The following SHISA9 variants were observed in gnomAD, a reference collection of about 807,000 sequenced individuals.
The protein encoded by SHISA9 is shisa family member 9.
Under a neutral mutation model 38.0 loss-of-function variants are expected in SHISA9, and 13 were observed. The observed-to-expected ratio is 0.34, with a 90% CI of 0.22 to 0.54. The LOEUF (loss-of-function observed/expected upper bound fraction) is 0.54, where lower values mean the gene tolerates loss of function less well. SHISA9 is among the 20% of genes least tolerant of loss of function. The pLI is 0.91. For missense variants in SHISA9, 538 were observed against 575.8 expected (o/e 0.93, Z 0.67); for synonymous variants, 275 against 242.0 (o/e 1.14, Z -1.27).
At chr16:13,160,989 C>G (rs1337416524) in intron 2 of SHISA9, among the ~76,000 whole-genome samples, 3 of 152,108 alleles carry the variant, frequency 2.0e-5, no homozygotes, top group African/African-American at 7.2e-5. Context: ...GCCCCATTCC[C>G]CATGGCAGGA....
At chr16:12,992,708 C>T (rs368250808) in intron 2 of SHISA9, among the ~76,000 whole-genome samples, 1 of 152,170 alleles carries the variant, frequency 6.6e-6, no homozygotes, top group Admixed American at 6.6e-5. Flanking sequence ...AGTTTTCTTC[C>T]TCACTTTTGT....
the SHISA9 span, among the ~76,000 whole-genome samples, chr16:13,380,502 C>G: frequency 6.6e-6 from 1 of 152,122 alleles, no homozygotes; most frequent in Non-Finnish European, 1.5e-5. Context: ...TAATAATTTC[C>G]AGATTAGAAT....
chr16:13,279,565 C>A, the SHISA9 span, among the ~76,000 whole-genome samples: 1 of 151,884 alleles, frequency 6.6e-6, no homozygotes, highest in African/African-American at 2.4e-5. Flanking sequence ...CTTGTATGGA[C>A]CTGCATATGA....
chr16:13,320,403 T>G, the SHISA9 span, among the ~76,000 whole-genome samples: 791 of 151,860 alleles, frequency 5.2e-3, 2 homozygotes, highest in Non-Finnish European at 8.7e-3. Flanking sequence ...GTATGTGACC[T>G]TGAGCAAGTT....
chr16:13,296,113 G>C, the SHISA9 span, among the ~76,000 whole-genome samples: 1 of 152,062 alleles, frequency 6.6e-6, no homozygotes, highest in Non-Finnish European at 1.5e-5. Context: ...TGTGGTTTCA[G>C]CAGTGATAAC....
chr16:13,452,114 A>G, the SHISA9 span, among the ~76,000 whole-genome samples: 1 of 152,198 alleles, frequency 6.6e-6, no homozygotes, highest in Admixed American at 6.5e-5. Flanking sequence ...TCCAGTGTCT[A>G]TGGCAACCTG....
At chr16:13,292,056 C>T in the SHISA9 span, among the ~76,000 whole-genome samples, 2 of 151,502 alleles carry the variant, frequency 1.3e-5, no homozygotes, top group Non-Finnish European at 2.9e-5. Flanking sequence ...TAGGATTCCT[C>T]ATGATCAATG....
chr16:13,105,423 A>G (rs1241428247), intron 2 of SHISA9, among the ~76,000 whole-genome samples: 2 of 152,146 alleles, frequency 1.3e-5, no homozygotes, highest in South Asian at 2.1e-4. Context: ...GCTTACCACA[A>G]CAGGTCTTCT....
intron 2 of SHISA9, among the ~76,000 whole-genome samples, chr16:13,043,258 G>T (rs1014799425): frequency 2.6e-5 from 4 of 152,168 alleles, no homozygotes; most frequent in African/African-American, 7.2e-5. Context: ...GGCCTGTCCC[G>T]GAAGTGGATA....
chr16:13,469,385 G>GAAAGAAAAGAA, the SHISA9 span, among the ~76,000 whole-genome samples: 1 of 91,326 alleles, frequency 1.1e-5, no homozygotes, highest in Non-Finnish European at 2.4e-5. Flanking sequence ...AAGAAAGAAA[G>GAAAGAAAAGAA]AAAGAAAGAA....
chr16:12,921,601 A>G (rs1567339866), intron 2 of SHISA9, among the ~76,000 whole-genome samples: 1 of 152,136 alleles, frequency 6.6e-6, no homozygotes, highest in Non-Finnish European at 1.5e-5. Context: ...GTCTCTAAAA[A>G]AAGTAAAAAT....
intron 2 of SHISA9, among the ~76,000 whole-genome samples, chr16:12,961,015 C>T (rs1264439065): frequency 6.6e-6 from 1 of 150,976 alleles, no homozygotes; most frequent in African/African-American, 2.4e-5. Flanking sequence ...GTAATTATAT[C>T]TGTAACATGT....
chr16:13,001,172 C>T (rs558218724), intron 2 of SHISA9, among the ~76,000 whole-genome samples: 3 of 152,360 alleles, frequency 2.0e-5, no homozygotes, highest in South Asian at 4.1e-4. Flanking sequence ...AGGTGATCTG[C>T]CCGCCTTGGC....
intron 2 of SHISA9, among the ~76,000 whole-genome samples, chr16:13,055,793 C>T (rs2073303430): frequency 2.0e-5 from 3 of 152,198 alleles, no homozygotes; most frequent in Admixed American, 6.5e-5. Context: ...CTGATATTCC[C>T]TTAACTCATT....
At chr16:13,002,016 A>G (rs2072532030) in intron 2 of SHISA9, among the ~76,000 whole-genome samples, 1 of 152,244 alleles carries the variant, frequency 6.6e-6, no homozygotes, top group African/African-American at 2.4e-5. Flanking sequence ...GAAAAAATAA[A>G]TACCTATGCC....
the SHISA9 span, among the ~76,000 whole-genome samples, chr16:13,246,565 A>AT: frequency 2.0e-5 from 3 of 152,124 alleles, no homozygotes; most frequent in Non-Finnish European, 4.4e-5. Context: ...ATTATTGAAC[A>AT]TTTTTTGTGT....
chr16:13,116,413 T>A (rs945885968), intron 2 of SHISA9, among the ~76,000 whole-genome samples: 1 of 152,208 alleles, frequency 6.6e-6, no homozygotes, highest in Admixed American at 6.5e-5. Context: ...GTTTATAGTA[T>A]GGCAGAGTGA....
At chr16:13,397,097 T>C in the SHISA9 span, among the ~76,000 whole-genome samples, 3 of 152,256 alleles carry the variant, frequency 2.0e-5, no homozygotes, top group African/African-American at 2.4e-5. Flanking sequence ...ATGATTTTCC[T>C]AATAACATTT....
the SHISA9 span, among the ~76,000 whole-genome samples, chr16:13,419,508 T>A: frequency 6.6e-6 from 1 of 152,378 alleles, no homozygotes; most frequent in African/African-American, 2.4e-5. Context: ...TTTTAAACCT[T>A]AGCCTTTGTT....
Sources: allele counts gnomAD v4.1 joint callset (sites outside exome capture counted in the v4.1 genomes callset), GRCh38; gene constraint gnomAD v4.1.1; transcripts MANE v1.5; gene names NCBI Gene and HGNC (gene_info 2026-07-23, HGNC 2026-07-21).